Variants in MDGA2 observed in about 807,000 individuals in gnomAD.
The protein encoded by MDGA2 is MAM domain containing glycosylphosphatidylinositol anchor 2.
MDGA2 carries 40 observed loss-of-function variants against 117.8 expected under a neutral mutation model. That is an observed-to-expected ratio of 0.34 (90% CI 0.26 to 0.44). The LOEUF (loss-of-function observed/expected upper bound fraction) is 0.44, where lower values mean the gene tolerates loss of function less well. Ranked by LOEUF, MDGA2 falls within the 20% of genes least tolerant of loss-of-function variation. The probability of loss-of-function intolerance (pLI) is 1.00; values close to 1 mark genes in which losing one functional copy is unlikely to be tolerated. For missense variants in MDGA2, 1,123 were observed against 1,250.6 expected (o/e 0.90, Z 1.54); for synonymous variants, 452 against 439.0 (o/e 1.03, Z -0.37).
At chr14:46,851,391 C>A (rs1412840284) in intron 15 of MDGA2, among the ~76,000 whole-genome samples, 1 of 151,764 alleles carries the variant, frequency 6.6e-6, no homozygotes, top group African/African-American at 2.4e-5. Context: ...AATTGTTGCC[C>A]TAATTTTTCC....
At chr14:47,024,995 A>C (rs2138602967) in intron 8 of MDGA2, among the ~76,000 whole-genome samples, 1 of 152,332 alleles carries the variant, frequency 6.6e-6, no homozygotes, top group East Asian at 1.9e-4. Context: ...AGGCCTATGA[A>C]GGAAGAATAC....
chr14:47,049,535 TA>T lies in MDGA2; in HGVS notation c.1525+11713del, dbSNP rs375058806. Reference sequence around the variant, plus strand: ...ATTTTTAATTGTTTTTTCTTCTGAATATTTTTTTATAATTTCGACTTTTATT... The same window carrying T: ...ATTTTTAATTGTTTTTTCTTCTGAATTTTTTTTATAATTTCGACTTTTATT... On this transcript the variant is annotated intron_variant, in intron 7 of 16. Transcript: ENST00000399232. Among the ~76,000 whole-genome samples, 168 of 152,182 alleles carry T rather than the reference TA, an allele frequency of 1.1e-3. 2 individuals are homozygous for T. The highest frequency in any genetic ancestry group is 4.3e-3 in the East Asian group (22 of 5,174).
chr14:47,081,531 A>T (rs1376863929), intron 6 of MDGA2, among the ~76,000 whole-genome samples: 1 of 152,092 alleles, frequency 6.6e-6, no homozygotes, highest in Non-Finnish European at 1.5e-5. Context: ...ATTTAGACAC[A>T]TGTGCTTTTA....
intron 7 of MDGA2, among the ~76,000 whole-genome samples, chr14:47,049,536 A>AT (rs931548641): frequency 5.3e-5 from 8 of 151,444 alleles, no homozygotes; most frequent in Admixed American, 6.6e-5. Flanking sequence ...TCTTCTGAAT[A>AT]TTTTTTTATA....
intron 1 of MDGA2, among the ~76,000 whole-genome samples, chr14:47,537,574 T>TAAAAAAAAAAAAAAAAAA (rs58060138): frequency 1.1e-4 from 4 of 36,610 alleles, no homozygotes; most frequent in Non-Finnish European, 1.7e-4. Context: ...TTCTCTCTGT[T>TAAAAAAAAAAAAAAAAAA]AAAAAAAAAA....
chr14:47,163,966 G>C (rs1883754159), intron 3 of MDGA2, among the ~76,000 whole-genome samples: 2 of 152,206 alleles, frequency 1.3e-5, no homozygotes, highest in African/African-American at 2.4e-5. Flanking sequence ...TGGAGGGATT[G>C]AGGGCTGTGC....
chr14:46,916,703 C>T (rs1006054441), intron 10 of MDGA2, among the ~76,000 whole-genome samples: 7 of 152,010 alleles, frequency 4.6e-5, no homozygotes, highest in South Asian at 2.1e-4. Context: ...CATCTACAAA[C>T]AGCACCATCT....
intron 3 of MDGA2, among the ~76,000 whole-genome samples, chr14:47,179,712 AAACT>A (rs1297809313): frequency 3.3e-5 from 5 of 152,142 alleles, no homozygotes; most frequent in East Asian, 3.8e-4. Flanking sequence ...GAAGAATGTT[AAACT>A]AACAATTATA....
intron 15 of MDGA2, among the ~76,000 whole-genome samples, chr14:46,852,273 G>A (rs891069611): frequency 1.3e-5 from 2 of 151,548 alleles, no homozygotes; most frequent in African/African-American, 4.8e-5. Flanking sequence ...GCCAACCACA[G>A]TGTTCAGGAT....
intron 1 of MDGA2, among the ~76,000 whole-genome samples, chr14:47,316,296 A>G (rs1889808016): frequency 6.6e-6 from 1 of 152,152 alleles, no homozygotes; most frequent in Non-Finnish European, 1.5e-5. Flanking sequence ...ACTAAAAAAC[A>G]TTACATTTTC....
intron 5 of MDGA2, 55 bp from the exon 6 acceptor site, chr14:47,097,178 T>C: frequency 6.4e-7 from 1 of 1,560,092 alleles, no homozygotes; most frequent in Non-Finnish European, 8.8e-7. Flanking sequence ...ACAACTAGAA[T>C]TCAACAGCAT....
chr14:47,162,531 T>C (rs1883686517), intron 3 of MDGA2, among the ~76,000 whole-genome samples: 1 of 152,086 alleles, frequency 6.6e-6, no homozygotes, highest in Non-Finnish European at 1.5e-5. Context: ...GCTTTGTGAT[T>C]TCCTCTTTCT....
At chr14:47,030,764 T>C (rs1004643214) in intron 8 of MDGA2, among the ~76,000 whole-genome samples, 36 of 152,186 alleles carry the variant, frequency 2.4e-4, no homozygotes, top group African/African-American at 8.7e-4. Context: ...CATTGTACTT[T>C]GCAGTTTTAC....
At chr14:47,404,663 T>C (rs775869077) in intron 1 of MDGA2, among the ~76,000 whole-genome samples, 9 of 151,994 alleles carry the variant, frequency 5.9e-5, no homozygotes, top group Non-Finnish European at 1.3e-4. Context: ...TATTGCTAAG[T>C]TTTTATTTTT....
At chr14:47,168,032 A>C (rs2139305870) in intron 3 of MDGA2, among the ~76,000 whole-genome samples, 1 of 152,262 alleles carries the variant, frequency 6.6e-6, no homozygotes, top group South Asian at 2.1e-4. Context: ...CCCATTTTAA[A>C]CTGACCATTG....
At chr14:47,601,627 G>T (rs1896649799) in intron 1 of MDGA2, among the ~76,000 whole-genome samples, 1 of 152,034 alleles carries the variant, frequency 6.6e-6, no homozygotes, top group Admixed American at 6.6e-5. Context: ...AAATAAGAAA[G>T]ACAATAGCAT....
chr14:46,979,156 C>CT (rs1217477941), intron 8 of MDGA2, among the ~76,000 whole-genome samples: 1 of 151,874 alleles, frequency 6.6e-6, no homozygotes, highest in Non-Finnish European at 1.5e-5. Flanking sequence ...AAATAGTAAC[C>CT]TTTTTTTCAG....
intron 7 of MDGA2, among the ~76,000 whole-genome samples, chr14:47,054,548 G>A (rs951310667): frequency 2.1e-5 from 3 of 146,152 alleles, no homozygotes; most frequent in African/African-American, 7.6e-5. Context: ...TCCCACCTAT[G>A]AGTGAGAACA....
intron 15 of MDGA2, among the ~76,000 whole-genome samples, chr14:46,852,020 C>A (rs1881078364): frequency 6.6e-6 from 1 of 151,466 alleles, no homozygotes; most frequent in Non-Finnish European, 1.5e-5. Flanking sequence ...TTTCCTTGAA[C>A]AATCAAGATT....
Sources: allele counts gnomAD v4.1 joint callset (sites outside exome capture counted in the v4.1 genomes callset), GRCh38; gene constraint gnomAD v4.1.1; transcripts MANE v1.5; gene names NCBI Gene and HGNC (gene_info 2026-07-23, HGNC 2026-07-21).